AMPH: variants seen among roughly 807,000 people sequenced by gnomAD.
The protein encoded by AMPH is amphiphysin (Stiff-Mann syndrome with breast cancer 128kD autoantigen).
A neutral mutation model predicts 99.1 loss-of-function variants in AMPH; 49 were observed. The observed-to-expected ratio is 0.49, with a 90% CI of 0.39 to 0.63. The LOEUF (loss-of-function observed/expected upper bound fraction) is 0.63, where lower values mean the gene tolerates loss of function less well. AMPH is among the 20% of genes least tolerant of loss of function. The pLI is 0.00. For synonymous variants in AMPH, 314 were observed against 317.3 expected, an observed-to-expected ratio of 0.99 and a Z score of 0.11; for missense variants, 759 against 863.4, an observed-to-expected ratio of 0.88 and a Z score of 1.52.
At chr7:38,487,717 A>G (rs1319115236) in intron 5 of AMPH, among the ~76,000 whole-genome samples, 1 of 152,212 alleles carries the variant, frequency 6.6e-6, no homozygotes, top group Non-Finnish European at 1.5e-5. Context: ...AAAAGAAACT[A>G]TCATCAGAGT....
At chr7:38,469,510 G>A (rs1025169351) in intron 7 of AMPH, among the ~76,000 whole-genome samples, 7 of 152,162 alleles carry the variant, frequency 4.6e-5, no homozygotes, top group Admixed American at 1.3e-4. Context: ...TCTTGCAGTG[G>A]AGGAGGCAAC....
chr7:38,624,805 C>A (rs1217567526), intron 1 of AMPH, among the ~76,000 whole-genome samples: 1 of 151,876 alleles, frequency 6.6e-6, no homozygotes, highest in African/African-American at 2.4e-5. Context: ...ACTAAGGCGA[C>A]AGTAAAGGAA....
chr7:38,473,597 G>A (rs1484917738), intron 7 of AMPH, among the ~76,000 whole-genome samples: 1 of 105,094 alleles, frequency 9.5e-6, no homozygotes, highest in African/African-American at 3.9e-5. Context: ...CCAGCTACTC[G>A]GGAGGCTGAG....
intron 17 of AMPH, among the ~76,000 whole-genome samples, chr7:38,396,625 T>G (rs971411912): frequency 2.0e-5 from 3 of 152,232 alleles, no homozygotes; most frequent in Non-Finnish European, 4.4e-5. Context: ...AACAAGTACA[T>G]GAGGGTTTAT....
intron 11 of AMPH, among the ~76,000 whole-genome samples, chr7:38,456,897 A>G (rs1334013279): frequency 1.3e-5 from 2 of 152,228 alleles, no homozygotes; most frequent in African/African-American, 4.8e-5. Context: ...AGACTGGTCA[A>G]CCTGGCATCC....
chr7:38,556,808 A>G (rs1791380295), intron 1 of AMPH, among the ~76,000 whole-genome samples: 1 of 152,198 alleles, frequency 6.6e-6, no homozygotes, highest in Non-Finnish European at 1.5e-5. Context: ...TGTGCTAGAC[A>G]TAAAGACGGC....
intron 1 of AMPH, among the ~76,000 whole-genome samples, chr7:38,610,562 T>C (rs1793649286): frequency 1.3e-5 from 2 of 151,894 alleles, no homozygotes; most frequent in Non-Finnish European, 2.9e-5. Flanking sequence ...TTTGAGAACT[T>C]ACTATATTCC....
At chr7:38,407,162 ATATC>A (rs1333779605) in intron 17 of AMPH, among the ~76,000 whole-genome samples, 2 of 141,064 alleles carry the variant, frequency 1.4e-5, no homozygotes, top group African/African-American at 2.6e-5. Flanking sequence ...ATATCTATCT[ATATC>A]TATCTATCTA....
chr7:38,528,834 T>C (rs1047787236), intron 2 of AMPH, among the ~76,000 whole-genome samples: 2 of 152,062 alleles, frequency 1.3e-5, no homozygotes, highest in African/African-American at 4.8e-5. Flanking sequence ...GACCTTTCCT[T>C]GTTTCTAATG....
chr7:38,590,407 G>A (rs1792812984), intron 1 of AMPH, among the ~76,000 whole-genome samples: 1 of 152,158 alleles, frequency 6.6e-6, no homozygotes, highest in South Asian at 2.1e-4. Context: ...GTGGTGGATG[G>A]TGAGTGAAAG....
intron 1 of AMPH, among the ~76,000 whole-genome samples, chr7:38,567,841 T>C (rs1791802392): frequency 6.6e-6 from 1 of 152,190 alleles, no homozygotes; most frequent in Non-Finnish European, 1.5e-5. Context: ...AATCAACCCA[T>C]GTGATTATTA....
intron 15 of AMPH, among the ~76,000 whole-genome samples, chr7:38,426,646 G>A (rs2128990925): frequency 6.6e-6 from 1 of 152,306 alleles, no homozygotes; most frequent in South Asian, 2.1e-4. Flanking sequence ...AGAGGAATCG[G>A]TAGAAGGTAG....
At chr7:38,431,582 G>A (rs566523216) in intron 13 of AMPH, among the ~76,000 whole-genome samples, 4 of 152,012 alleles carry the variant, frequency 2.6e-5, no homozygotes, top group Non-Finnish European at 5.9e-5. Context: ...TGTGAACCCG[G>A]GAGGCGGAGC....
At chr7:38,491,177 A>C in intron 4 of AMPH, 32 bp from the exon 5 acceptor site, 1 of 1,442,428 alleles carries the variant, frequency 6.9e-7, no homozygotes, top group Non-Finnish European at 9.7e-7. Context: ...CTGCTGAATT[A>C]TTTTAATTGG....
At chr7:38,422,540 T>C (rs1338558325) in intron 15 of AMPH, 63 bp from the exon 16 acceptor site, 3 of 1,251,202 alleles carry the variant, frequency 2.4e-6, no homozygotes, top group Admixed American at 1.7e-5. Flanking sequence ...CTACCATCAA[T>C]TGTGTCTGCC....
intron 1 of AMPH, among the ~76,000 whole-genome samples, chr7:38,574,125 T>C (rs958981657): frequency 2.6e-4 from 39 of 152,240 alleles, no homozygotes; most frequent in African/African-American, 8.9e-4. Flanking sequence ...AACAGTCAGC[T>C]AACAACCCTA....
intron 11 of AMPH, among the ~76,000 whole-genome samples, chr7:38,450,839 T>C (rs888848710): frequency 6.6e-6 from 1 of 152,138 alleles, no homozygotes; most frequent in Admixed American, 6.5e-5. Flanking sequence ...AGGGTGAACA[T>C]TGGATTTAAA....
intron 11 of AMPH, among the ~76,000 whole-genome samples, chr7:38,445,844 G>A (rs1289314933): frequency 2.0e-5 from 3 of 152,088 alleles, no homozygotes; most frequent in African/African-American, 4.8e-5. Context: ...TCATGGGGGC[G>A]GAGTTTTCAT....
intron 2 of AMPH, among the ~76,000 whole-genome samples, chr7:38,526,217 C>T (rs1037418468): frequency 2.0e-5 from 3 of 151,112 alleles, no homozygotes; most frequent in African/African-American, 4.9e-5. Flanking sequence ...TTTTCATATT[C>T]TTCTTTGCCA....
Sources: allele counts gnomAD v4.1 joint callset (sites outside exome capture counted in the v4.1 genomes callset), GRCh38; gene constraint gnomAD v4.1.1; transcripts MANE v1.5; gene names NCBI Gene and HGNC (gene_info 2026-07-23, HGNC 2026-07-21).